WWOX: variants seen among roughly 807,000 people sequenced by gnomAD.
WWOX encodes the protein WW domain containing oxidoreductase.
WWOX carries 69 observed loss-of-function variants against 46.2 expected under a neutral mutation model. The observed-to-expected ratio is 1.49, with a 90% CI of 1.23 to 1.82. The LOEUF (loss-of-function observed/expected upper bound fraction) is 1.82. WWOX is among the 40% of genes most tolerant of loss of function. The pLI, the probability that WWOX is intolerant of heterozygous loss-of-function variation, is 0.00. For missense variants in WWOX, 919 were observed against 542.6 expected (o/e 1.69, Z -6.89); for synonymous variants, 359 against 202.6 (o/e 1.77, Z -6.56).
intron 8 of WWOX, among the ~76,000 whole-genome samples, chr16:79,073,478 C>G (rs927708359): frequency 3.3e-5 from 5 of 152,070 alleles, no homozygotes; most frequent in African/African-American, 9.7e-5. Flanking sequence ...CCGCGCCTGG[C>G]TTTGTTATTA....
intron 8 of WWOX, among the ~76,000 whole-genome samples, chr16:79,170,276 C>T (rs1475199316): frequency 1.3e-5 from 2 of 152,170 alleles, no homozygotes; most frequent in Admixed American, 6.5e-5. Flanking sequence ...AGTGTCATCT[C>T]CAATTTATAG....
rs375118063 is a variant in WWOX at position 78,578,350 on chromosome 16, C to T, written c.1056+145598C>T. On this transcript the variant is annotated intron_variant, in intron 8 of 8. Coordinates refer to ENST00000566780, the MANE Select transcript of WWOX (RefSeq NM_016373.4). ...TTTCACCCAGGCTGGAGTGCAGTGG[C>T]GCAATCTCGGCTCACTGCAAGCTCC... Among the ~76,000 whole-genome samples the T allele has an allele frequency of 4.3e-3, 535 of 123,488 alleles. 6 individuals carry two copies. Among genetic ancestry groups the T allele is most frequent in the Middle Eastern group, 0.012 (2 of 166 alleles). The allele number at this position is 123,488 out of a possible 152,430, so 81.0% of individuals were successfully genotyped here.
rs1318548853 is a variant in WWOX, at chr16:78,729,563, T to C, written c.1056+296811T>C. Among the ~76,000 whole-genome samples the C allele has an allele frequency of 2.6e-5, 4 of 151,990 alleles. No individual in the cohort carries two copies. In the East Asian group the frequency reaches 7.8e-4, roughly 30 times the overall value. Reference sequence around the variant, plus strand: ...AGTTGTGCATCCACAAGCTCAGATATGCCTGGAGCCATCAGGTGCTGGAAG... The same window carrying C: ...AGTTGTGCATCCACAAGCTCAGATACGCCTGGAGCCATCAGGTGCTGGAAG... On this transcript the variant is annotated intron_variant, in intron 8 of 8. Transcript: ENST00000566780.
intron 8 of WWOX, among the ~76,000 whole-genome samples, chr16:78,503,437 A>G (rs895488817): frequency 6.6e-6 from 1 of 151,056 alleles, no homozygotes; most frequent in Non-Finnish European, 1.5e-5. Flanking sequence ...TTTAAATATA[A>G]TTCCTTATTG....
At chr16:78,883,866 C>T (rs1048856152) in intron 8 of WWOX, among the ~76,000 whole-genome samples, 1 of 152,032 alleles carries the variant, frequency 6.6e-6, no homozygotes, top group Admixed American at 6.6e-5. Context: ...ATATTCTAAA[C>T]TAAAAAGATA....
chr16:78,111,201 A>C (rs2032469560), intron 3 of WWOX, among the ~76,000 whole-genome samples: 1 of 152,152 alleles, frequency 6.6e-6, no homozygotes, highest in South Asian at 2.1e-4. Context: ...TGTGGGCGAA[A>C]GAGTACCTAG....
intron 8 of WWOX, chr16:79,205,422 G>A (rs530434639): frequency 5.3e-4 from 81 of 152,272 alleles, no homozygotes; most frequent in African/African-American, 1.9e-3. Flanking sequence ...TTTCCTTGTG[G>A]CAAAAGATCA....
intron 5 of WWOX, among the ~76,000 whole-genome samples, chr16:78,285,329 G>A (rs1327708014): frequency 8.6e-5 from 13 of 152,038 alleles, no homozygotes; most frequent in Admixed American, 7.9e-4. Context: ...GTCCTTTGGA[G>A]GACTACTTGG....
chr16:78,251,445 A>G (rs1421039266), intron 5 of WWOX, among the ~76,000 whole-genome samples: 2 of 152,142 alleles, frequency 1.3e-5, no homozygotes, highest in African/African-American at 2.4e-5. Flanking sequence ...CTCGTTACAC[A>G]GCATTGCCTG....
chr16:78,434,383 G>C (rs748774021), intron 8 of WWOX, among the ~76,000 whole-genome samples: 1 of 152,250 alleles, frequency 6.6e-6, no homozygotes, highest in East Asian at 1.9e-4. Flanking sequence ...CTGCATAAGC[G>C]CAGCCTCTTC....
Position 78,344,470 on chromosome 16 carries a change from C to A in WWOX, c.517-42390C>A, listed in dbSNP as rs915488760. Among the ~76,000 whole-genome samples, 2 of 121,298 alleles carry A rather than the reference C, an allele frequency of 1.6e-5. 1 individual carries two copies. The highest frequency in any genetic ancestry group is 3.9e-5 in the Non-Finnish European group (2 of 50,668). The allele number at this position is 121,298 out of a possible 152,430, so 79.6% of individuals were successfully genotyped here. On this transcript the variant is annotated intron_variant, in intron 5 of 8. Transcript: ENST00000566780. ...AGGAACCTGTTCTCTTATGTTTCTG[C>A]TTAGATGGCTGGGTCTATACCAGGG...
intron 8 of WWOX, among the ~76,000 whole-genome samples, chr16:78,594,429 G>GCCTCCCCC (rs1171391505): frequency 1.5e-4 from 5 of 32,380 alleles, no homozygotes; most frequent in Non-Finnish European, 2.1e-4. Context: ...CTGAGGAAAG[G>GCCTCCCCC]CCCCCCCCCC....
chr16:78,381,460 C>G (rs2081955525), intron 5 of WWOX, among the ~76,000 whole-genome samples: 1 of 152,178 alleles, frequency 6.6e-6, no homozygotes, highest in Non-Finnish European at 1.5e-5. Flanking sequence ...TGGCTGAGCC[C>G]TGGATGTTGG....
At chr16:78,571,979 G>T (rs1012904788) in intron 8 of WWOX, among the ~76,000 whole-genome samples, 1 of 152,156 alleles carries the variant, frequency 6.6e-6, no homozygotes, top group Non-Finnish European at 1.5e-5. Flanking sequence ...GGAGAAATAG[G>T]GAATTTTATG....
chr16:78,581,502 G>A (rs140492081), intron 8 of WWOX, among the ~76,000 whole-genome samples: 23 of 152,250 alleles, frequency 1.5e-4, no homozygotes, highest in African/African-American at 5.1e-4. Context: ...TTGAAGTTGT[G>A]ACTGCCAACG....
rs111359086 is a variant in WWOX, at chr16:78,368,943, C to G, written c.517-17917C>G. Among the ~76,000 whole-genome samples, 394 of 152,286 alleles carry G rather than the reference C, an allele frequency of 2.6e-3. 2 individuals carry two copies. Among genetic ancestry groups the G allele is most frequent in the African/African-American group, 9.3e-3 (385 of 41,558 alleles). On this transcript the variant is annotated intron_variant, in intron 5 of 8. Coordinates refer to ENST00000566780, the MANE Select transcript of WWOX (RefSeq NM_016373.4). ...TGCGACTGTCAGTTGCTCTCTACTG[C>G]TCCTCATAGACTTCCTGTCTGCCTT...
chr16:78,858,180 G>C (rs777284212), intron 8 of WWOX, among the ~76,000 whole-genome samples: 2 of 125,826 alleles, frequency 1.6e-5, no homozygotes, highest in Admixed American at 1.6e-4. Flanking sequence ...GTATAAATTG[G>C]CTGTGCATGA....
chr16:79,196,722 T>C (rs1219640027), intron 8 of WWOX, among the ~76,000 whole-genome samples: 1 of 152,078 alleles, frequency 6.6e-6, no homozygotes, highest in African/African-American at 2.4e-5. Context: ...TGAGAGACTT[T>C]TTTTTTTAGG....
At chr16:78,469,073 G>A (rs947359322) in intron 8 of WWOX, among the ~76,000 whole-genome samples, 1 of 152,112 alleles carries the variant, frequency 6.6e-6, no homozygotes, top group African/African-American at 2.4e-5. Flanking sequence ...AGTTTTGCTG[G>A]CCTTACTCGT....
Sources: allele counts gnomAD v4.1 joint callset (sites outside exome capture counted in the v4.1 genomes callset), GRCh38; gene constraint gnomAD v4.1.1; transcripts MANE v1.5; gene names NCBI Gene and HGNC (gene_info 2026-07-23, HGNC 2026-07-21).